FAM163A: variants seen among roughly 807,000 people sequenced by gnomAD.
The protein encoded by FAM163A is protein FAM163A.
FAM163A carries 7 observed loss-of-function variants against 12.0 expected under a neutral mutation model. The observed-to-expected ratio is 0.58, with a 90% CI of 0.33 to 1.10. The LOEUF is 1.10. Ranked by LOEUF, FAM163A falls within the 50% of genes least tolerant of loss-of-function variation. The probability of loss-of-function intolerance (pLI) is 0.03; values close to 1 mark genes in which losing one functional copy is unlikely to be tolerated. For missense variants in FAM163A, 202 were observed against 218.6 expected (o/e 0.92, Z 0.48); for synonymous variants, 101 against 91.0 (o/e 1.11, Z -0.62).
At chr1:179,730,726 T>A in the FAM163A span, among the ~76,000 whole-genome samples, 1 of 152,238 alleles carries the variant, frequency 6.6e-6, no homozygotes, top group Non-Finnish European at 1.5e-5. Flanking sequence ...AAAAAAGCAC[T>A]CTTTTATGTA....
intron 1 of FAM163A, among the ~76,000 whole-genome samples, chr1:179,744,251 G>C (rs1684100809): frequency 1.3e-5 from 2 of 152,102 alleles, no homozygotes; most frequent in South Asian, 4.1e-4. Context: ...GCGGGCGACC[G>C]CACTCCGATT....
chr1:179,790,637 C>G (rs1691329205), intron 1 of FAM163A, among the ~76,000 whole-genome samples: 1 of 152,136 alleles, frequency 6.6e-6, no homozygotes, highest in African/African-American at 2.4e-5. Context: ...GCAGTCAGCA[C>G]TCACTGAGAT....
intron 1 of FAM163A, among the ~76,000 whole-genome samples, chr1:179,805,386 C>T (rs943867312): frequency 1.1e-4 from 16 of 152,016 alleles, no homozygotes; most frequent in African/African-American, 2.2e-4. Context: ...GGGGTGGTGG[C>T]GGGCGCCTAT....
At chr1:179,731,182 T>A in the FAM163A span, among the ~76,000 whole-genome samples, 2 of 152,182 alleles carry the variant, frequency 1.3e-5, no homozygotes, top group South Asian at 4.1e-4. Flanking sequence ...TTTCTAGTAT[T>A]GAGTATACAG....
intron 1 of FAM163A, among the ~76,000 whole-genome samples, chr1:179,767,835 T>A (rs536503160): frequency 1.9e-3 from 293 of 152,330 alleles, no homozygotes; most frequent in Non-Finnish European, 3.1e-3. Flanking sequence ...GAAGTTTTTT[T>A]AAAAAATTTA....
intron 1 of FAM163A, among the ~76,000 whole-genome samples, chr1:179,751,131 C>G (rs1315483863): frequency 6.6e-6 from 1 of 152,098 alleles, no homozygotes; most frequent in Non-Finnish European, 1.5e-5. Flanking sequence ...GGTGGATATA[C>G]AGGCAGGAGT....
chr1:179,730,864 A>G, the FAM163A span, among the ~76,000 whole-genome samples: 1 of 152,212 alleles, frequency 6.6e-6, no homozygotes, highest in Non-Finnish European at 1.5e-5. Flanking sequence ...CAGTGTTGGT[A>G]GGGAAAACAA....
At chr1:179,745,940 T>G (rs935525660) in intron 1 of FAM163A, among the ~76,000 whole-genome samples, 6 of 152,152 alleles carry the variant, frequency 3.9e-5, no homozygotes, top group Non-Finnish European at 8.8e-5. Flanking sequence ...GACTCTTACT[T>G]GTAGATCCAA....
chr1:179,783,349 A>G (rs1690073733), intron 1 of FAM163A, among the ~76,000 whole-genome samples: 1 of 152,114 alleles, frequency 6.6e-6, no homozygotes, highest in Non-Finnish European at 1.5e-5. Flanking sequence ...CCTAACAATG[A>G]CCTTATGTTG....
intron 1 of FAM163A, among the ~76,000 whole-genome samples, chr1:179,751,099 G>A (rs1272872989): frequency 6.6e-6 from 1 of 152,128 alleles, no homozygotes; most frequent in Non-Finnish European, 1.5e-5. Flanking sequence ...TGAACCATCT[G>A]AGTGGATGGG....
intron 1 of FAM163A, among the ~76,000 whole-genome samples, chr1:179,760,783 A>C (rs1686707719): frequency 6.6e-6 from 1 of 152,196 alleles, no homozygotes; most frequent in African/African-American, 2.4e-5. Flanking sequence ...TACCAGGGGC[A>C]CTTTCCTAAA....
intron 4 of FAM163A, 49 bp downstream of exon 4, chr1:179,813,239 C>G (rs1156880193): frequency 6.6e-7 from 1 of 1,519,308 alleles, no homozygotes; most frequent in Non-Finnish European, 8.9e-7. Flanking sequence ...ACCAGCAAAC[C>G]TCTTTTTCAT....
chr1:179,729,169 A>G, the FAM163A span, among the ~76,000 whole-genome samples: 1 of 152,164 alleles, frequency 6.6e-6, no homozygotes, highest in Non-Finnish European at 1.5e-5. Flanking sequence ...CTCTTTCCAA[A>G]GAAACTTGGT....
chr1:179,755,336 A>G (rs1050086860), intron 1 of FAM163A, among the ~76,000 whole-genome samples: 42 of 152,136 alleles, frequency 2.8e-4, no homozygotes, highest in African/African-American at 9.7e-4. Context: ...AAACAGTTTC[A>G]GTGATAAGGG....
intron 1 of FAM163A, among the ~76,000 whole-genome samples, chr1:179,763,509 A>G (rs943115158): frequency 3.3e-5 from 5 of 152,240 alleles, no homozygotes; most frequent in African/African-American, 1.2e-4. Context: ...GAAAAACACC[A>G]GACTGGCTAG....
chr1:179,745,858 C>T (rs975703842), intron 1 of FAM163A, among the ~76,000 whole-genome samples: 6 of 152,266 alleles, frequency 3.9e-5, no homozygotes, highest in African/African-American at 9.6e-5. Flanking sequence ...ACTCCTTCCT[C>T]GGGGCCACTT....
intron 1 of FAM163A, among the ~76,000 whole-genome samples, chr1:179,761,926 GA>G (rs930318182): frequency 3.3e-5 from 5 of 152,048 alleles, no homozygotes; most frequent in Non-Finnish European, 5.9e-5. Context: ...TAGAGCTGTT[GA>G]AACGGAGACT....
chr1:179,729,031 A>G, the FAM163A span, among the ~76,000 whole-genome samples: 5 of 152,168 alleles, frequency 3.3e-5, no homozygotes, highest in Non-Finnish European at 5.9e-5. Context: ...TCTCCTCTTC[A>G]AGGACACAGG....
In FAM163A at chr1:179,813,855, C is replaced by G. The variant is rs1695030162; in HGVS notation, c.170C>G (p.Pro57Arg). The G allele has an allele frequency of 1.2e-6, 2 of 1,614,010 alleles. No homozygotes were observed. The highest frequency in any genetic ancestry group is 2.2e-5 in the East Asian group (1 of 44,876). Reference sequence around the variant, plus strand: ...CGGGAGCACGACCTTCCCACGCATCCCAGAGGCCCCACCTGCAATGCCTGC... The same window carrying G: ...CGGGAGCACGACCTTCCCACGCATCGCAGAGGCCCCACCTGCAATGCCTGC... ...EEREHDLPTH[P>R]RGPTCNACSS... The change falls in exon 5 of 5, where the codon CCC becomes CGC. Residue 57 changes from proline to arginine, a missense_variant. Physicochemically the swap from Pro to Arg is moderately radical, Grantham distance 103. Transcript: ENST00000341785.
Sources: allele counts gnomAD v4.1 joint callset (sites outside exome capture counted in the v4.1 genomes callset), GRCh38; gene constraint gnomAD v4.1.1; transcripts MANE v1.5; gene names NCBI Gene and HGNC (gene_info 2026-07-23, HGNC 2026-07-21).